DNMBP: variants seen among roughly 807,000 people sequenced by gnomAD.
DNMBP encodes the protein dynamin-binding protein.
DNMBP carries 87 observed loss-of-function variants against 150.0 expected under a neutral mutation model. The observed-to-expected ratio is 0.58, with a 90% CI of 0.49 to 0.69. The LOEUF (loss-of-function observed/expected upper bound fraction) is 0.69, where lower values mean the gene tolerates loss of function less well. Among genes scored for constraint, DNMBP ranks in the 30% least tolerant of loss-of-function variants. The pLI, the probability that DNMBP is intolerant of heterozygous loss-of-function variation, is 0.00. For synonymous variants in DNMBP, 711 were observed against 750.4 expected (o/e 0.95, Z 0.86); for missense variants, 1,774 against 1,949.0 (o/e 0.91, Z 1.69).
rs1454342420 is a variant in DNMBP, at chr10:99,883,947, G to A, written c.3997+64C>T. 6.0e-6 allele frequency: 9 copies of A among 1,488,532 alleles called. No individual in the cohort carries two copies. The Admixed American group carries it at 1.1e-4, about 18-fold the overall frequency. The allele number at this position is 1,488,532 out of a possible 1,614,324, so 92.2% of individuals were successfully genotyped here. On this transcript the variant is annotated intron_variant, in intron 15 of 16. Transcript: ENST00000324109. ...TTTTTTCCTGGCCTAGTCCAGATTC[G>A]GGTGCAGCCAAAACTACTATTTTTT...
intron 4 of DNMBP, among the ~76,000 whole-genome samples, chr10:99,924,208 C>T (rs7910794): frequency 0.33 from 49,485 of 150,660 alleles, 8,593 homozygotes; most frequent in Non-Finnish European, 0.39. Flanking sequence ...GAGGCCGAGG[C>T]GGGTGGATCA....
In DNMBP at chr10:99,882,965, A is replaced by G. The variant is rs574752773; in HGVS notation, c.3997+1046T>C. Among the ~76,000 whole-genome samples the G allele has an allele frequency of 1.2e-4, 18 of 152,030 alleles. No individual in the cohort carries two copies. In the South Asian group the frequency reaches 2.1e-3, roughly 18 times the overall value. On this transcript the variant is annotated intron_variant, in intron 15 of 16. Transcript: ENST00000324109. Reference sequence around the variant, plus strand: ...GCTACTTGTGAGGCTGAGGCAGGAGAATCGCTTGAAGGCAGAGGTTGCAGT... The same window carrying G: ...GCTACTTGTGAGGCTGAGGCAGGAGGATCGCTTGAAGGCAGAGGTTGCAGT...
At position 99,884,031 on chromosome 10, in the gene DNMBP, C is replaced by T. The variant is rs376611193; in HGVS notation, c.3977G>A (p.Arg1326His). 3.2e-5 allele frequency: 52 copies of T among 1,613,702 alleles called. No homozygotes were observed. The highest frequency in any genetic ancestry group is 6.7e-5 in the African/African-American group (5 of 74,840). The change falls in exon 15 of 17, where the codon CGC (arginine) becomes CAC (histidine). Residue 1326 changes from arginine to histidine, a missense_variant. Coordinates refer to ENST00000324109, the MANE Select transcript of DNMBP (RefSeq NM_015221.4). ...KKKDPMGSQN[R>H]WLIDNGVTKG... ...CTTACCTCCATTGTCAATCAGCCAG[C>T]GGTTCTGGCTGCCCATGGGGTCTTT...
chr10:99,957,108 G>C lies in DNMBP; in HGVS notation c.366C>G (p.Arg122=). ...GGCTCTGTGAGGAGAGGCAGAGCTC[G>C]CGGACACATGAAGATGGGAAGAAGC... ...ARGFFPSSCV[R]ELCLSSQSRQ... Residue 122 remains arginine (R), a synonymous_variant, in exon 4 of 17, where the codon CGC becomes CGG. Transcript: ENST00000324109. The C allele has an allele frequency of 6.2e-7, 1 of 1,613,942 alleles. No individual in the cohort carries two copies. Among genetic ancestry groups the C allele is most frequent in the South Asian group, 1.1e-5 (1 of 91,078 alleles).
chr10:99,892,124 G>T (rs533357765), intron 11 of DNMBP, among the ~76,000 whole-genome samples: 1 of 141,522 alleles, frequency 7.1e-6, no homozygotes, highest in African/African-American at 2.9e-5. Context: ...CTACTGGGAC[G>T]TGAAGAGCCC....
chr10:99,983,026 T>C (rs2040795049), intron 1 of DNMBP, among the ~76,000 whole-genome samples: 1 of 152,012 alleles, frequency 6.6e-6, no homozygotes, highest in Non-Finnish European at 1.5e-5. Flanking sequence ...TTTCCTTAAC[T>C]GAAAGACAAA....
intron 3 of DNMBP, among the ~76,000 whole-genome samples, chr10:99,965,782 C>T (rs112555929): frequency 0.021 from 3,175 of 152,286 alleles, 66 homozygotes; most frequent in Admixed American, 0.058. Flanking sequence ...CAGGCTTGAG[C>T]TACCATGCCT....
At chr10:99,911,344 A>G (rs2039896996) in intron 4 of DNMBP, among the ~76,000 whole-genome samples, 1 of 152,156 alleles carries the variant, frequency 6.6e-6, no homozygotes, top group Admixed American at 6.5e-5. Flanking sequence ...AACATGGTGA[A>G]ACCCCATCTC....
At chr10:99,900,364 C>T (rs1481494788) in intron 6 of DNMBP, among the ~76,000 whole-genome samples, 2 of 151,944 alleles carry the variant, frequency 1.3e-5, no homozygotes, top group African/African-American at 2.4e-5. Flanking sequence ...ACTGCAGACT[C>T]GACCTCCCAG....
At chr10:99,940,955 G>A (rs556052509) in intron 4 of DNMBP, among the ~76,000 whole-genome samples, 44 of 152,172 alleles carry the variant, frequency 2.9e-4, no homozygotes, top group Non-Finnish European at 5.0e-4. Flanking sequence ...CGCGATCTTG[G>A]CTCATTGCAA....
intron 1 of DNMBP, among the ~76,000 whole-genome samples, chr10:100,009,301 C>T (rs749928711): frequency 1.8e-4 from 27 of 152,350 alleles, no homozygotes; most frequent in Middle Eastern, 3.4e-3. Context: ...AGCAGGAACG[C>T]GGGTGTCCGC....
At chr10:99,958,175 G>A (rs1440008562) in intron 3 of DNMBP, 1 of 152,150 alleles carries the variant, frequency 6.6e-6, no homozygotes, top group Non-Finnish European at 1.5e-5. Flanking sequence ...CATAAGCAAA[G>A]GCAGTAGCCA....
rs112185777 is a variant in DNMBP at position 99,898,288 on chromosome 10, G to A, written c.2721-3C>T. ...GGTTAATATAATTTGTGCATCCCCT[G>A]TAAGAGAAGGAAAAAAGACTTTAGT... On this transcript the variant is annotated splice_polypyrimidine_tract_variant and splice_region_variant and intron_variant, in intron 8 of 16. Transcript: ENST00000324109. The A allele has an allele frequency of 5.1e-4, 825 of 1,610,366 alleles. 3 individuals carry two copies. The African/African-American group carries it at 9.2e-3, about 18-fold the overall frequency.
chr10:99,930,197 C>T, intron 4 of DNMBP: 1 of 702,864 alleles, frequency 1.4e-6, no homozygotes, highest in Non-Finnish European at 2.6e-6. Flanking sequence ...CCCAACAATC[C>T]TCAAGATTAT....
At chr10:99,967,589 T>C (rs1230757548) in intron 3 of DNMBP, among the ~76,000 whole-genome samples, 1 of 152,118 alleles carries the variant, frequency 6.6e-6, no homozygotes, top group African/African-American at 2.4e-5. Flanking sequence ...ATTCTCAAAA[T>C]AGATTTTGAG....
intron 16 of DNMBP, among the ~76,000 whole-genome samples, chr10:99,879,372 G>A (rs1276058291): frequency 6.6e-6 from 1 of 152,052 alleles, no homozygotes; most frequent in African/African-American, 2.4e-5. Context: ...GCTGAGGCAT[G>A]AGAAATGAGA....
chr10:99,977,663 C>A (rs1279456814), intron 1 of DNMBP, among the ~76,000 whole-genome samples: 3 of 152,190 alleles, frequency 2.0e-5, no homozygotes, highest in African/African-American at 7.2e-5. Flanking sequence ...TTATTTCATT[C>A]ACTGGTCTAC....
At position 99,956,268 on chromosome 10, in the gene DNMBP, TGTGGGAGA is replaced by T. The variant is rs1564745419; in HGVS notation, c.1198_1205del (p.Ser400IlefsTer2). On this transcript the variant is annotated frameshift_variant, in exon 4 of 17. Transcript: ENST00000324109. LOFTEE classifies it high-confidence loss of function. ...CATTGACTACTTCTGTAGGGTCAGA[TGTGGGAGA>T]GTCTGTGGCAAGAGGCATTTCCCAC... The T allele has an allele frequency of 6.2e-6, 10 of 1,613,624 alleles. No homozygotes were observed. In the South Asian group the frequency reaches 1.1e-4, roughly 18 times the overall value.
intron 11 of DNMBP, among the ~76,000 whole-genome samples, chr10:99,893,669 G>C (rs1168218543): frequency 1.3e-5 from 2 of 152,208 alleles, no homozygotes; most frequent in Non-Finnish European, 2.9e-5. Flanking sequence ...GGAGGTTGCA[G>C]TGAGCTGAGA....
Sources: gnomAD v4.1 joint callset for allele counts (sites outside exome capture counted in the v4.1 genomes callset) on GRCh38, gnomAD v4.1.1 for gene constraint, MANE v1.5 for transcripts, NCBI Gene and HGNC (gene_info 2026-07-23, HGNC 2026-07-21) for gene names.